VTCN1: variants seen among roughly 807,000 people sequenced by gnomAD.
The protein encoded by VTCN1 is V-set domain containing T cell activation inhibitor 1, also known as V-set domain-containing T-cell activation inhibitor 1.
Under a neutral mutation model 26.5 loss-of-function variants are expected in VTCN1, and 26 were observed. That is an observed-to-expected ratio of 0.98 (90% confidence interval 0.72 to 1.36). The LOEUF is 1.36. VTCN1 is among the 40% of genes most tolerant of loss of function. The pLI, the probability that VTCN1 is intolerant of heterozygous loss-of-function variation, is 0.00. For missense variants in VTCN1, 298 were observed against 337.7 expected (o/e 0.88, Z 0.92); for synonymous variants, 116 against 130.7 (o/e 0.89, Z 0.77).
chr1:117,175,232 C>A lies in VTCN1; in HGVS notation c.33-5061G>T, dbSNP rs1043578106. On this transcript the variant is annotated intron_variant, in intron 1 of 5. Transcript: ENST00000369458. The surrounding 1 kb of genome is among the most constrained non-coding windows in gnomAD (Gnocchi z 4.2). ...AAAGGCAGAGCGCTCGAAACCTATG[C>A]GACTTTGTAATTAGTCTACTAACAG... Among the ~76,000 whole-genome samples, 5 of 152,204 alleles carry A rather than the reference C, an allele frequency of 3.3e-5. No homozygotes were observed. Among genetic ancestry groups the A allele is most frequent in the South Asian group, 2.1e-4 (1 of 4,832 alleles).
At chr1:117,185,722 C>T (rs990746715) in intron 1 of VTCN1, among the ~76,000 whole-genome samples, 5 of 152,164 alleles carry the variant, frequency 3.3e-5, no homozygotes, top group African/African-American at 4.8e-5. Context: ...ATCTTGGTCT[C>T]CACAAGCTCT....
chr1:117,209,965 G>T (rs978038361), intron 1 of VTCN1, among the ~76,000 whole-genome samples: 2 of 152,162 alleles, frequency 1.3e-5, no homozygotes, highest in African/African-American at 4.8e-5. Context: ...GTGGGAAAAA[G>T]AAACAAATTG....
At position 117,170,158 on chromosome 1, in the gene VTCN1, T is replaced by C; in HGVS notation, c.46A>G (p.Ile16Val). 2 of 1,613,830 alleles carry C rather than the reference T, an allele frequency of 1.2e-6. No individual in the cohort carries two copies. Among genetic ancestry groups the C allele is most frequent in the Non-Finnish European group, 1.7e-6 (2 of 1,179,890 alleles). The change falls in exon 2 of 6, where the codon ATC becomes GTC. Residue 16 changes from isoleucine to valine, a missense_variant. Ile to Val is a conservative substitution (Grantham distance 29). Transcript: ENST00000369458. The stretch of plus-strand genomic sequence containing the variant: ...GCAATTGCTCCAGCCAGAATAATGA[T>C]GATGCTAATTATGCTACGGGAAGAG... ...QILFWSIISI[I>V]IILAGAIALI...
At position 117,153,461 on chromosome 1, in the gene VTCN1, A is replaced by ATTT. The variant is rs57126217; in HGVS notation, c.446-95_446-93dup. The stretch of plus-strand genomic sequence containing the variant: ...AGCGCTAGGCCTTAAAAATGCAGTC[A>ATTT]TTTTTTTTTTTTTTTTTTTATCATT... On this transcript the variant is annotated intron_variant, in intron 3 of 5. Transcript: ENST00000369458. The ATTT allele has an allele frequency of 3.4e-4, 381 of 1,116,764 alleles. 1 individual carries two copies. The highest frequency in any genetic ancestry group is 2.4e-3 in the African/African-American group (140 of 57,734). The allele number at this position is 1,116,764 out of a possible 1,614,324, so 69.2% of individuals were successfully genotyped here.
chr1:117,201,204 C>A (rs1648771023), intron 1 of VTCN1, among the ~76,000 whole-genome samples: 1 of 152,158 alleles, frequency 6.6e-6, no homozygotes, highest in Non-Finnish European at 1.5e-5. Flanking sequence ...ACTTATAAAG[C>A]TGTGTCCACG....
intron 2 of VTCN1, among the ~76,000 whole-genome samples, chr1:117,168,913 T>C (rs1412550310): frequency 6.6e-6 from 1 of 152,092 alleles, no homozygotes; most frequent in East Asian, 1.9e-4. Flanking sequence ...ATATGATTGA[T>C]GACAAAGAAA....
chr1:117,189,318 GT>G (rs1426221657), intron 1 of VTCN1, among the ~76,000 whole-genome samples: 4 of 152,040 alleles, frequency 2.6e-5, no homozygotes, highest in Non-Finnish European at 5.9e-5. Flanking sequence ...TTCCTTTTCA[GT>G]TTTCTCTGCA....
At position 117,210,297 on chromosome 1, in the gene VTCN1, T is replaced by TG. The variant is rs372085733; in HGVS notation, c.32+526dup. ...AAAACTAGGGACCCAACCTTTGAGC[T>TG]GGGGGGGCCTGGGGAGGGGTGTTGG... On this transcript the variant is annotated intron_variant, in intron 1 of 5. Coordinates refer to ENST00000369458, the MANE Select transcript of VTCN1 (RefSeq NM_024626.4). Among the ~76,000 whole-genome samples, 587 of 152,018 alleles carry TG rather than the reference T, an allele frequency of 3.9e-3. 1 individual carries two copies. The highest frequency in any genetic ancestry group is 0.014 in the African/African-American group (561 of 41,460).
chr1:117,170,680 C>T (rs535431950), intron 1 of VTCN1, among the ~76,000 whole-genome samples: 2 of 152,122 alleles, frequency 1.3e-5, no homozygotes, highest in Non-Finnish European at 1.5e-5. Context: ...CGTAAGTCAT[C>T]AGTGGGAGTC....
chr1:117,151,666 C>A (rs980590737), intron 4 of VTCN1, among the ~76,000 whole-genome samples: 28 of 152,148 alleles, frequency 1.8e-4, no homozygotes, highest in Non-Finnish European at 3.5e-4. Flanking sequence ...ATTTGCAATC[C>A]TCTAGCTAGA....
In VTCN1 at chr1:117,161,653, A is replaced by G. The variant is rs1240761925; in HGVS notation, c.98-4732T>C. Among the ~76,000 whole-genome samples, 1 of 152,246 alleles carries G rather than the reference A, an allele frequency of 6.6e-6. No individual in the cohort carries two copies. Among genetic ancestry groups the G allele is most frequent in the Non-Finnish European group, 1.5e-5 (1 of 68,042 alleles). On this transcript the variant is annotated intron_variant, in intron 2 of 5. Transcript: ENST00000369458. This position sits in a 1 kb window ranked among gnomAD's most constrained non-coding sequence, Gnocchi z 4.3. ...ATAAATGAATAAATAAATGGAAATC[A>G]GTAGAAATCAAAGCATTGTTTGAGA... is the stretch of plus-strand genomic sequence containing the variant.
intron 3 of VTCN1, among the ~76,000 whole-genome samples, chr1:117,153,984 C>CTTA (rs1331595658): frequency 6.6e-6 from 1 of 152,220 alleles, no homozygotes; most frequent in Admixed American, 6.5e-5. Flanking sequence ...GAAATTAAGA[C>CTTA]TTAGCTTCCC....
chr1:117,150,875 C>CT (rs1288277623), intron 4 of VTCN1, among the ~76,000 whole-genome samples: 2 of 152,130 alleles, frequency 1.3e-5, no homozygotes, highest in Admixed American at 6.5e-5. Flanking sequence ...TAGTATTTGT[C>CT]TTTTTGTGAC....
At chr1:117,192,599 G>T (rs981190432) in intron 1 of VTCN1, among the ~76,000 whole-genome samples, 1 of 152,020 alleles carries the variant, frequency 6.6e-6, no homozygotes. Flanking sequence ...TTTCTTAATG[G>T]GTATACACTA....
At position 117,159,938 on chromosome 1, in the gene VTCN1, A is replaced by G. The variant is rs1028271536; in HGVS notation, c.98-3017T>C. 1.3e-5 allele frequency among the ~76,000 whole-genome samples: 2 copies of G among 152,232 alleles called. No individual in the cohort carries two copies. The highest frequency in any genetic ancestry group is 4.8e-5 in the African/African-American group (2 of 41,458). On this transcript the variant is annotated intron_variant, in intron 2 of 5. Coordinates refer to ENST00000369458, the MANE Select transcript of VTCN1 (RefSeq NM_024626.4). This position sits in a 1 kb window ranked among gnomAD's most constrained non-coding sequence, Gnocchi z 4.7. Reference sequence around the variant, plus strand: ...ATTAATTATGTGCCAGCTGTATCCAACTGCTTCCTCCTCACTTGGCCAGCC... The same window carrying G: ...ATTAATTATGTGCCAGCTGTATCCAGCTGCTTCCTCCTCACTTGGCCAGCC...
intron 1 of VTCN1, among the ~76,000 whole-genome samples, chr1:117,194,679 A>G (rs1440938608): frequency 6.6e-6 from 1 of 152,256 alleles, no homozygotes; most frequent in Non-Finnish European, 1.5e-5. Flanking sequence ...ATGAAATATT[A>G]TTCAGCCTAT....
At chr1:117,152,811 C>T (rs1651864390) in intron 4 of VTCN1, among the ~76,000 whole-genome samples, 1 of 152,146 alleles carries the variant, frequency 6.6e-6, no homozygotes. Flanking sequence ...TTACACAGAG[C>T]CTCAGAATCC....
chr1:117,197,369 A>G (rs568118469), intron 1 of VTCN1, among the ~76,000 whole-genome samples: 7 of 152,244 alleles, frequency 4.6e-5, no homozygotes, highest in Non-Finnish European at 1.0e-4. Context: ...GATATTTTTG[A>G]CTTTTACAGA....
In VTCN1 at chr1:117,185,315, C is replaced by T. The variant is rs149553086; in HGVS notation, c.33-15144G>A. 3.4e-3 allele frequency among the ~76,000 whole-genome samples: 524 copies of T among 152,290 alleles called. 2 individuals carry two copies. The highest frequency in any genetic ancestry group is 0.012 in the African/African-American group (506 of 41,562). ...GAATGACTAGGGTCTTGGTCCTTTG[C>T]CATCTAGGCAATTTTTCTACTACTT... On this transcript the variant is annotated intron_variant, in intron 1 of 5. Coordinates refer to ENST00000369458, the MANE Select transcript of VTCN1 (RefSeq NM_024626.4).
Sources: allele counts gnomAD v4.1 joint callset (sites outside exome capture counted in the v4.1 genomes callset), GRCh38; gene constraint gnomAD v4.1.1; non-coding constraint Gnocchi (gnomAD v3.1); transcripts MANE v1.5; gene names NCBI Gene and HGNC (gene_info 2026-07-23, HGNC 2026-07-21).